UBL3: variants seen among roughly 807,000 people sequenced by gnomAD.
UBL3 encodes ubiquitin-like protein 3.
In UBL3, 6 loss-of-function variants were observed where a neutral mutation model predicts 18.4. That is an observed-to-expected ratio of 0.33 (90% CI 0.18 to 0.64). The LOEUF (loss-of-function observed/expected upper bound fraction) is 0.64. Among genes scored for constraint, UBL3 ranks in the 30% least tolerant of loss-of-function variants. The pLI is 0.76. For missense variants in UBL3, 109 were observed against 142.9 expected (o/e 0.76, Z 1.21); for synonymous variants, 49 against 46.6 (o/e 1.05, Z -0.21).
chr13:29,835,147 T>TAA lies in UBL3; in HGVS notation c.27+14364_27+14365insTT, dbSNP rs1566001124. On this transcript the variant is annotated intron_variant, in intron 1 of 4. Coordinates refer to ENST00000380680, the MANE Select transcript of UBL3 (RefSeq NM_007106.4). ...ATAAATATATATATATATATATATATATATATATATATATATATATATATA... is the reference window on the plus strand; with the variant it reads ...ATAAATATATATATATATATATATATAAATATATATATATATATATATATATA... 3.4e-3 allele frequency among the ~76,000 whole-genome samples: 54 copies of TAA among 15,676 alleles called. 1 individual carries two copies. The highest frequency in any genetic ancestry group is 4.6e-3 in the Non-Finnish European group (39 of 8,540). 10.3% of individuals were successfully genotyped at this position (15,676 alleles called of 152,430 possible).
intron 1 of UBL3, among the ~76,000 whole-genome samples, chr13:29,816,753 TCAAAAAAAAAAAA>T (rs1878293083): frequency 3.3e-5 from 1 of 30,118 alleles, no homozygotes; most frequent in African/African-American, 1.2e-4. Flanking sequence ...AGACCCTGTC[TCAAAAAAAAAAAA>T]AAAAAAAAAA....
chr13:29,827,855 G>A (rs1030130224), intron 1 of UBL3, among the ~76,000 whole-genome samples: 8 of 152,178 alleles, frequency 5.3e-5, no homozygotes, highest in African/African-American at 1.9e-4. Context: ...TCCTTCAGGA[G>A]CTCTTTTAGG....
chr13:29,797,568 C>G (rs938451342), intron 1 of UBL3, among the ~76,000 whole-genome samples: 1 of 152,096 alleles, frequency 6.6e-6, no homozygotes, highest in Non-Finnish European at 1.5e-5. Flanking sequence ...ATTTTCAAAT[C>G]TCTAATTTGA....
intron 2 of UBL3, among the ~76,000 whole-genome samples, chr13:29,776,359 C>T (rs1720356030): frequency 6.7e-6 from 1 of 148,164 alleles, no homozygotes; most frequent in South Asian, 2.1e-4. Context: ...AATTCCTGGC[C>T]TCAAGTGATC....
At chr13:29,849,366 C>G in intron 1 of UBL3, 146 bp downstream of exon 1, 3 of 1,038,766 alleles carry the variant, frequency 2.9e-6, no homozygotes, top group Non-Finnish European at 4.2e-6. Flanking sequence ...AAGGGGGAAA[C>G]CAGAAGCTCC....
At position 29,776,042 on chromosome 13, in the gene UBL3, T is replaced by C. The variant is rs560636996; in HGVS notation, c.136+1113A>G. 1.6e-3 allele frequency among the ~76,000 whole-genome samples: 242 copies of C among 152,302 alleles called. 2 individuals are homozygous for C. Among genetic ancestry groups the C allele is most frequent in the African/African-American group, 5.6e-3 (233 of 41,564 alleles). ...ACAGACATTAATTATCTTGACCTTATAGTAGTTCAGAGAACATAAGAACTG... is the reference window on the plus strand; with the variant it reads ...ACAGACATTAATTATCTTGACCTTACAGTAGTTCAGAGAACATAAGAACTG... On this transcript the variant is annotated intron_variant, in intron 2 of 4. Transcript: ENST00000380680.
chr13:29,772,173 A>G lies in UBL3; in HGVS notation c.162T>C (p.Ser54=), dbSNP rs1417388226. The change falls in exon 3 of 5, where the codon AGT becomes AGC. Residue 54 remains serine (S), a synonymous_variant. Transcript: ENST00000380680. ...PMDWEEEQVS[S]PNILRLIYQG... ...GATAAATAAGTCGTAGAATATTTGG[A>G]CTGCTGACCTGCTCTTCTTCCCAGT... The G allele has an allele frequency of 1.9e-5, 30 of 1,611,962 alleles. No individual in the cohort carries two copies. The highest frequency in any genetic ancestry group is 2.5e-5 in the Non-Finnish European group (29 of 1,178,720).
intron 1 of UBL3, among the ~76,000 whole-genome samples, chr13:29,800,923 C>T (rs1877745281): frequency 6.6e-6 from 1 of 152,178 alleles, no homozygotes; most frequent in South Asian, 2.1e-4. Context: ...CCCCACGGTG[C>T]AGCAGCCTTA....
chr13:29,771,594 T>C (rs1471720375), intron 3 of UBL3, among the ~76,000 whole-genome samples: 4 of 152,086 alleles, frequency 2.6e-5, no homozygotes, highest in Admixed American at 1.3e-4. Context: ...ACACAGCCAG[T>C]AAGTAGTGCA....
At chr13:29,786,462 T>A (rs547965047) in intron 1 of UBL3, among the ~76,000 whole-genome samples, 38 of 152,102 alleles carry the variant, frequency 2.5e-4, no homozygotes, top group Non-Finnish European at 5.1e-4. Flanking sequence ...CATCTAATCA[T>A]CCTGGATGAA....
intron 1 of UBL3, among the ~76,000 whole-genome samples, chr13:29,791,406 T>C (rs1877474993): frequency 6.6e-6 from 1 of 152,220 alleles, no homozygotes; most frequent in African/African-American, 2.4e-5. Flanking sequence ...CAGGTACTGT[T>C]ATCTCCGTTT....
chr13:29,811,543 G>T (rs576434305), intron 1 of UBL3, among the ~76,000 whole-genome samples: 1 of 152,002 alleles, frequency 6.6e-6, no homozygotes, highest in Non-Finnish European at 1.5e-5. Flanking sequence ...AGAGAGCTGC[G>T]GAAGGAAACT....
intron 1 of UBL3, among the ~76,000 whole-genome samples, chr13:29,823,578 A>G (rs1044727252): frequency 1.9e-4 from 29 of 152,228 alleles, no homozygotes; most frequent in African/African-American, 7.0e-4. Flanking sequence ...CAGAAAGAAT[A>G]AATGTCATTA....
intron 1 of UBL3, among the ~76,000 whole-genome samples, chr13:29,787,459 A>C (rs1276860509): frequency 6.6e-6 from 1 of 152,218 alleles, no homozygotes; most frequent in Non-Finnish European, 1.5e-5. Flanking sequence ...GACTGACAGT[A>C]TGTTTTATTG....
chr13:29,802,889 T>C (rs550550685), intron 1 of UBL3, among the ~76,000 whole-genome samples: 63 of 152,188 alleles, frequency 4.1e-4, no homozygotes, highest in Non-Finnish European at 8.5e-4. Context: ...TTTCAGGATA[T>C]TGTCCATGAA....
intron 1 of UBL3, among the ~76,000 whole-genome samples, chr13:29,794,495 G>C (rs937776021): frequency 6.6e-6 from 1 of 152,168 alleles, no homozygotes; most frequent in Non-Finnish European, 1.5e-5. Context: ...CTAGAAGTTA[G>C]AAGAAGATAT....
chr13:29,780,555 T>G (rs1200993624), intron 1 of UBL3, among the ~76,000 whole-genome samples: 1 of 151,430 alleles, frequency 6.6e-6, no homozygotes, highest in East Asian at 1.9e-4. Flanking sequence ...CTAAATTACT[T>G]GGATCTAAAA....
chr13:29,769,261 T>C (rs1876773194), intron 3 of UBL3, among the ~76,000 whole-genome samples: 1 of 152,104 alleles, frequency 6.6e-6, no homozygotes, highest in Non-Finnish European at 1.5e-5. Context: ...GGAAAGCTCC[T>C]GAGAGGCTTA....
chr13:29,799,207 C>T (rs1260776496), intron 1 of UBL3, among the ~76,000 whole-genome samples: 8 of 152,138 alleles, frequency 5.3e-5, no homozygotes, highest in Non-Finnish European at 8.8e-5. Context: ...TGCCACCTTC[C>T]CCTTCCCCCT....
Sources: gnomAD v4.1 joint callset for allele counts (sites outside exome capture counted in the v4.1 genomes callset) on GRCh38, gnomAD v4.1.1 for gene constraint, MANE v1.5 for transcripts, NCBI Gene and HGNC (gene_info 2026-07-23, HGNC 2026-07-21) for gene names.